CSMD2: variants seen among roughly 807,000 people sequenced by gnomAD.
CSMD2 encodes the protein CUB and Sushi multiple domains 2.
A neutral mutation model predicts 398.5 loss-of-function variants in CSMD2; 130 were observed. The observed-to-expected ratio is 0.33, with a 90% CI of 0.28 to 0.38. The LOEUF (loss-of-function observed/expected upper bound fraction) is 0.38. Ranked by LOEUF, CSMD2 falls within the 10% of genes least tolerant of loss-of-function variation. The pLI, the probability that CSMD2 is intolerant of heterozygous loss-of-function variation, is 1.00. For synonymous variants in CSMD2, 1,828 were observed against 1,908.5 expected, an observed-to-expected ratio of 0.96 and a Z score of 1.10; for missense variants, 3,829 against 4,764.9, an observed-to-expected ratio of 0.80 and a Z score of 5.78.
At chr1:33,846,395 A>G (rs571118845) in intron 6 of CSMD2, among the ~76,000 whole-genome samples, 5 of 152,228 alleles carry the variant, frequency 3.3e-5, no homozygotes, top group Non-Finnish European at 7.3e-5. Context: ...AAGAGTAGAA[A>G]TGTAGGCTGC....
At chr1:34,073,713 T>C (rs926123991) in intron 2 of CSMD2, among the ~76,000 whole-genome samples, 1 of 152,228 alleles carries the variant, frequency 6.6e-6, no homozygotes, top group African/African-American at 2.4e-5. Flanking sequence ...GGCATTTTGG[T>C]ATAGTGGGGG....
chr1:33,549,383 G>A (rs1421607914), intron 56 of CSMD2, among the ~76,000 whole-genome samples: 1 of 152,234 alleles, frequency 6.6e-6, no homozygotes, highest in Non-Finnish European at 1.5e-5. Flanking sequence ...CCTAGGGCCA[G>A]GCAGGTCCCC....
chr1:33,577,015 G>A (rs947933979), intron 49 of CSMD2, among the ~76,000 whole-genome samples: 40 of 152,258 alleles, frequency 2.6e-4, no homozygotes, highest in African/African-American at 9.1e-4. Context: ...GGAGGAAGCA[G>A]ATCCTTTCTC....
chr1:34,048,164 C>T (rs987312193), intron 2 of CSMD2, among the ~76,000 whole-genome samples: 1 of 152,242 alleles, frequency 6.6e-6, no homozygotes, highest in Non-Finnish European at 1.5e-5. Context: ...CCTCCCACTT[C>T]GTGGCCAATG....
chr1:34,147,623 C>T (rs1311711029), intron 1 of CSMD2, among the ~76,000 whole-genome samples: 15 of 133,742 alleles, frequency 1.1e-4, no homozygotes, highest in South Asian at 5.5e-4. Flanking sequence ...AGGAGAGAGA[C>T]GGGGTGACAG....
intron 6 of CSMD2, among the ~76,000 whole-genome samples, chr1:33,836,333 C>T (rs1660261266): frequency 6.6e-6 from 1 of 152,204 alleles, no homozygotes; most frequent in African/African-American, 2.4e-5. Flanking sequence ...AGGAGGCAGT[C>T]TGCCCGCTCT....
intron 1 of CSMD2, among the ~76,000 whole-genome samples, chr1:34,098,510 A>C (rs867812124): frequency 6.6e-6 from 1 of 151,972 alleles, no homozygotes; most frequent in Admixed American, 6.6e-5. Context: ...TAAATTTAGC[A>C]GTCTCATTTC....
rs1291761922 is a variant in CSMD2, at chr1:33,602,260, C to T, written c.6710+109G>A. 3 of 1,221,176 alleles carry T rather than the reference C, an allele frequency of 2.5e-6. No individual in the cohort carries two copies. In the East Asian group the frequency reaches 7.2e-5, roughly 29 times the overall value. The allele number at this position is 1,221,176 out of a possible 1,614,324, so 75.6% of individuals were successfully genotyped here. On this transcript the variant is annotated intron_variant, in intron 43 of 70. Transcript: ENST00000373381. ...CCAGGAGGCTGACAGCCTTTAAAAA[C>T]CATTCACCTCTTGGTTTTTCTAAAC...
At chr1:33,645,848 C>A (rs1286796126) in intron 29 of CSMD2, among the ~76,000 whole-genome samples, 1 of 152,226 alleles carries the variant, frequency 6.6e-6, no homozygotes, top group African/African-American at 2.4e-5. Flanking sequence ...AACTTTCAAT[C>A]CAATTAATTT....
In CSMD2 at chr1:33,533,063, C is replaced by T. The variant is rs146860302; in HGVS notation, c.10158G>A (p.Pro3386=). ...AGGCACACTCACCCAGGCAGATGGG[C>T]GGCTTGCCTGTCCAGCTGCCATCCG... ...CKADGSWTGK[P]PICLEVRPSG... is the part of the protein sequence containing the mutation. The change falls in exon 64 of 71, where the codon CCG becomes CCA. Residue 3386 remains proline (P), a synonymous_variant. Transcript: ENST00000373381. This position sits in a 1 kb window ranked among gnomAD's most constrained non-coding sequence, Gnocchi z 4.2. 2.9e-5 allele frequency: 47 copies of T among 1,611,350 alleles called. No homozygotes were observed. The African/African-American group carries it at 5.2e-4, about 18-fold the overall frequency.
intron 5 of CSMD2, among the ~76,000 whole-genome samples, chr1:33,915,952 ACCTCTCTGGG>A (rs1444230384): frequency 1.3e-5 from 2 of 152,098 alleles, no homozygotes; most frequent in East Asian, 3.9e-4. Flanking sequence ...AGGTAGTATA[ACCTCTCTGGG>A]CCTCATTTTC....
At chr1:34,052,848 G>A (rs370883498) in intron 2 of CSMD2, among the ~76,000 whole-genome samples, 12 of 152,230 alleles carry the variant, frequency 7.9e-5, no homozygotes, top group African/African-American at 2.9e-4. Context: ...GGCAGCAAGC[G>A]CTTTTGAGGG....
chr1:33,540,945 A>G (rs1656275333), intron 59 of CSMD2, among the ~76,000 whole-genome samples, 185 bp downstream of exon 59: 1 of 152,030 alleles, frequency 6.6e-6, no homozygotes, highest in Non-Finnish European at 1.5e-5. Flanking sequence ...CCCAGGCCTT[A>G]TTTTGGTACT....
chr1:33,933,185 T>C (rs1644365231), intron 4 of CSMD2, among the ~76,000 whole-genome samples: 1 of 152,230 alleles, frequency 6.6e-6, no homozygotes, highest in Admixed American at 6.5e-5. Context: ...TTGTATTTTG[T>C]CTTTTGGAGA....
intron 2 of CSMD2, among the ~76,000 whole-genome samples, chr1:34,034,038 C>T (rs6701050): frequency 0.24 from 37,182 of 151,894 alleles, 5,096 homozygotes; most frequent in African/African-American, 0.35. Context: ...GCAAAAGATC[C>T]CTACCTCACC....
chr1:33,565,376 T>C (rs949836755), intron 53 of CSMD2, among the ~76,000 whole-genome samples: 1 of 152,022 alleles, frequency 6.6e-6, no homozygotes, highest in African/African-American at 2.4e-5. Context: ...AACCTGGGGT[T>C]CTGCAAGACA....
chr1:33,739,102 C>T (rs748323529), intron 15 of CSMD2, 38 bp downstream of exon 15: 1 of 1,585,512 alleles, frequency 6.3e-7, no homozygotes, highest in Non-Finnish European at 8.6e-7. Context: ...GCCTCTCTGG[C>T]TGACAATGGC....
intron 44 of CSMD2, chr1:33,592,263 A>G (rs1639511061): frequency 1.5e-6 from 1 of 661,728 alleles, no homozygotes; most frequent in South Asian, 1.7e-5. Context: ...GTCCACATGG[A>G]AAGTAGAAGA....
chr1:33,645,179 G>A (rs1198424332), intron 29 of CSMD2, among the ~76,000 whole-genome samples: 1 of 152,116 alleles, frequency 6.6e-6, no homozygotes, highest in East Asian at 1.9e-4. Flanking sequence ...CTTATGTTAT[G>A]CAAGTGGGGA....
Sources: gnomAD v4.1 joint callset for allele counts (sites outside exome capture counted in the v4.1 genomes callset) on GRCh38, gnomAD v4.1.1 for gene constraint, Gnocchi (gnomAD v3.1) non-coding constraint, MANE v1.5 for transcripts, NCBI Gene and HGNC (gene_info 2026-07-23, HGNC 2026-07-21) for gene names.